The following SLC9A2 variants were observed in gnomAD, a reference collection of about 807,000 sequenced individuals.
SLC9A2 encodes sodium/hydrogen exchanger 2.
A neutral mutation model predicts 71.7 loss-of-function variants in SLC9A2; 42 were observed. That is an observed-to-expected ratio of 0.59 (90% CI 0.46 to 0.76). SLC9A2 has a LOEUF of 0.76. Among genes scored for constraint, SLC9A2 ranks in the 30% least tolerant of loss-of-function variants. SLC9A2 has a pLI of 0.00. For missense variants in SLC9A2, 829 were observed against 1,017.4 expected (o/e 0.81, Z 2.52); for synonymous variants, 396 against 392.5 (o/e 1.01, Z -0.10).
intron 2 of SLC9A2, 150 bp from the exon 3 acceptor site, chr2:102,664,950 G>A: frequency 1.2e-6 from 1 of 807,116 alleles, no homozygotes. Context: ...TAAAATATGA[G>A]ACAAATGAAT....
At chr2:102,662,752 TAGAA>T (rs1677071561) in intron 2 of SLC9A2, among the ~76,000 whole-genome samples, 1 of 148,302 alleles carries the variant, frequency 6.7e-6, no homozygotes, top group African/African-American at 2.5e-5. Context: ...TGAAGTGTGT[TAGAA>T]AGCAGTTTAA....
At chr2:102,627,845 C>A (rs1676278268) in intron 1 of SLC9A2, among the ~76,000 whole-genome samples, 1 of 152,074 alleles carries the variant, frequency 6.6e-6, no homozygotes, top group East Asian at 1.9e-4. Flanking sequence ...TCCCGCCTTA[C>A]AAGAGTAAGA....
At chr2:102,684,001 A>C (rs567838421) in intron 4 of SLC9A2, 133 bp from the exon 5 acceptor site, 1 of 662,606 alleles carries the variant, frequency 1.5e-6, no homozygotes, top group African/African-American at 1.8e-5. Context: ...CAAGACAGAG[A>C]AAAAGGGGAA....
At chr2:102,683,686 T>C (rs2104539901) in intron 4 of SLC9A2, among the ~76,000 whole-genome samples, 1 of 152,072 alleles carries the variant, frequency 6.6e-6, no homozygotes. Flanking sequence ...TTTCTTATCC[T>C]TTCTCATTTC....
chr2:102,653,156 C>T (rs1262199601), intron 1 of SLC9A2, among the ~76,000 whole-genome samples: 1 of 152,204 alleles, frequency 6.6e-6, no homozygotes, highest in Admixed American at 6.5e-5. Context: ...CCAAAAAGCA[C>T]TGAACTAAGA....
At chr2:102,694,060 C>T (rs777049605) in intron 5 of SLC9A2, among the ~76,000 whole-genome samples, 9 of 152,200 alleles carry the variant, frequency 5.9e-5, no homozygotes, top group Non-Finnish European at 1.2e-4. Context: ...CTGTCCACCT[C>T]GGCCTCCCAA....
rs982562159 is a variant in SLC9A2 at position 102,661,033 on chromosome 2, A to G, written c.753+3006A>G. 1.3e-4 allele frequency among the ~76,000 whole-genome samples: 20 copies of G among 152,384 alleles called. No individual in the cohort carries two copies. In the East Asian group the frequency reaches 3.9e-3, roughly 29 times the overall value. ...AAATGTCTCAAAGCAAAAGAAATGC[A>G]GATCAAACACTTCATGCTATTGTAC... is the stretch of plus-strand genomic sequence containing the variant. On this transcript the variant is annotated intron_variant, in intron 2 of 11. Coordinates refer to ENST00000233969, the MANE Select transcript of SLC9A2 (RefSeq NM_003048.6).
At chr2:102,641,806 C>G (rs1281375697) in intron 1 of SLC9A2, among the ~76,000 whole-genome samples, 1 of 150,626 alleles carries the variant, frequency 6.6e-6, no homozygotes, top group Non-Finnish European at 1.5e-5. Flanking sequence ...GGACAGAAAA[C>G]CAAACACTGC....
chr2:102,660,354 T>C (rs1677026106), intron 2 of SLC9A2, among the ~76,000 whole-genome samples: 1 of 152,180 alleles, frequency 6.6e-6, no homozygotes, highest in Admixed American at 6.5e-5. Flanking sequence ...ACTGTCGTGG[T>C]TTCATATCTA....
chr2:102,660,568 T>A (rs983001857), intron 2 of SLC9A2, among the ~76,000 whole-genome samples: 1 of 152,262 alleles, frequency 6.6e-6, no homozygotes, highest in African/African-American at 2.4e-5. Flanking sequence ...TCTAATTTTA[T>A]CTCCTAGTCA....
At chr2:102,697,209 A>C (rs1390294431) in intron 7 of SLC9A2, 1 of 152,238 alleles carries the variant, frequency 6.6e-6, no homozygotes, top group Non-Finnish European at 1.5e-5. Flanking sequence ...AAATGGGGGA[A>C]TATAGATCGG....
Position 102,622,647 on chromosome 2 carries a change from C to T in SLC9A2, c.289+2510C>T, listed in dbSNP as rs376610271. Among the ~76,000 whole-genome samples the T allele has an allele frequency of 2.4e-3, 369 of 152,226 alleles. 1 individual carries two copies. The highest frequency in any genetic ancestry group is 7.5e-3 in the African/African-American group (313 of 41,540). On this transcript the variant is annotated intron_variant, in intron 1 of 11. Transcript: ENST00000233969. ...GTCTGTCTCATTTCTCATCTTTGTG[C>T]GTTTCCAGAAGGCTTGTTCTTTTGG...
rs761952938 is a variant in SLC9A2 at position 102,665,231 on chromosome 2, A to G, written c.885A>G (p.Ile295Met). ...GVLIGIFLGF[I>M]AAFTTRFTHN... Reference sequence around the variant, plus strand: ...TGATTGGCATCTTCTTGGGCTTTATAGCGGCATTTACTACTCGATTCACCC... The same window carrying G: ...TGATTGGCATCTTCTTGGGCTTTATGGCGGCATTTACTACTCGATTCACCC... The change falls in exon 3 of 12, where the codon ATA (isoleucine) becomes ATG (methionine). Residue 295 changes from isoleucine (I) to methionine (M), a missense_variant. Coordinates refer to ENST00000233969, the MANE Select transcript of SLC9A2 (RefSeq NM_003048.6). 1.2e-6 allele frequency: 2 copies of G among 1,614,094 alleles called. No individual in the cohort carries two copies. Among genetic ancestry groups the G allele is most frequent in the East Asian group, 4.5e-5 (2 of 44,858 alleles).
chr2:102,660,155 T>C (rs1473869384), intron 2 of SLC9A2, among the ~76,000 whole-genome samples: 1 of 152,072 alleles, frequency 6.6e-6, no homozygotes, highest in African/African-American at 2.4e-5. Context: ...GTGCTTCCTC[T>C]CAGGAGGCAC....
intron 1 of SLC9A2, among the ~76,000 whole-genome samples, chr2:102,656,587 A>G (rs1192657010): frequency 6.6e-6 from 1 of 152,224 alleles, no homozygotes; most frequent in Non-Finnish European, 1.5e-5. Flanking sequence ...TTCTTGAGGC[A>G]TCCTGACGAA....
At chr2:102,696,428 C>T (rs1677771080) in intron 7 of SLC9A2, among the ~76,000 whole-genome samples, 1 of 152,128 alleles carries the variant, frequency 6.6e-6, no homozygotes, top group East Asian at 1.9e-4. Context: ...ATTGACCAAC[C>T]TACCAATGTC....
At chr2:102,707,002 C>A (rs1212282818) in intron 11 of SLC9A2, among the ~76,000 whole-genome samples, 1 of 152,070 alleles carries the variant, frequency 6.6e-6, no homozygotes, top group East Asian at 1.9e-4. Context: ...AAATAGAAAA[C>A]CAAATACCAT....
At chr2:102,653,913 G>A (rs1245361169) in intron 1 of SLC9A2, among the ~76,000 whole-genome samples, 1 of 152,206 alleles carries the variant, frequency 6.6e-6, no homozygotes, top group Non-Finnish European at 1.5e-5. Flanking sequence ...GAGGCACAGT[G>A]GTAAGTACTG....
chr2:102,632,569 C>G (rs1192398175), intron 1 of SLC9A2, among the ~76,000 whole-genome samples: 2 of 152,044 alleles, frequency 1.3e-5, no homozygotes, highest in African/African-American at 4.8e-5. Context: ...CTTGATTTGT[C>G]AAATTCATCC....
Sources: allele counts gnomAD v4.1 joint callset (sites outside exome capture counted in the v4.1 genomes callset), GRCh38; gene constraint gnomAD v4.1.1; transcripts MANE v1.5; gene names NCBI Gene and HGNC (gene_info 2026-07-23, HGNC 2026-07-21).